Variants in CTC1 observed in about 807,000 individuals in gnomAD.
CTC1 encodes the protein CST telomere replication complex component 1, also known as CST complex subunit CTC1.
A neutral mutation model predicts 136.3 loss-of-function variants in CTC1; 91 were observed. The ratio of observed to expected loss-of-function variants is 0.67; its 90% CI spans 0.56 to 0.79. The LOEUF (loss-of-function observed/expected upper bound fraction) is 0.79, where lower values mean the gene tolerates loss of function less well. CTC1 is among the 30% of genes least tolerant of loss of function. CTC1 has a pLI of 0.00. For missense variants in CTC1, 1,432 were observed against 1,498.1 expected (o/e 0.96, Z 0.73); for synonymous variants, 606 against 613.8 (o/e 0.99, Z 0.19).
intron 2 of CTC1, among the ~76,000 whole-genome samples, chr17:8,241,438 T>C (rs1988208069): frequency 6.6e-6 from 1 of 151,420 alleles, no homozygotes; most frequent in Admixed American, 6.6e-5. Context: ...CGGCCAATGG[T>C]GAAACCCCAT....
rs1332017730 is a variant in CTC1 at position 8,238,447 on chromosome 17, T to C, written c.380A>G (p.Glu127Gly). The change falls in exon 3 of 23, where the codon GAG becomes GGG. Residue 127 changes from glutamate to glycine, a missense_variant. Physicochemically the swap from Glu to Gly is moderately conservative, Grantham distance 98 (BLOSUM62 -2). Coordinates refer to ENST00000651323, the MANE Select transcript of CTC1 (RefSeq NM_025099.6). ...LTDLSADLEQECRNGSLYVRD... is the reference protein window; with the variant it reads ...LTDLSADLEQGCRNGSLYVRD... Reference sequence around the variant, plus strand: ...CACATAGAGGCTTCCGTTCCTGCACTCTTGTTCCAAGTCTGCCGATAGGTC... The same window carrying C: ...CACATAGAGGCTTCCGTTCCTGCACCCTTGTTCCAAGTCTGCCGATAGGTC... 6.2e-7 allele frequency: 1 copy of C among 1,614,064 alleles called. No individual in the cohort carries two copies. The highest frequency in any genetic ancestry group is 8.5e-7 in the Non-Finnish European group (1 of 1,180,046).
chr17:8,237,296 C>T, intron 5 of CTC1, 79 bp downstream of exon 5: 1 of 1,528,724 alleles, frequency 6.5e-7, no homozygotes, highest in Non-Finnish European at 9.1e-7. Context: ...TACATGGCTC[C>T]TCCTATGATG....
rs1806410683 is a variant in CTC1, at chr17:8,229,406, C to T, written c.3052G>A (p.Gly1018Ser). Reference protein sequence around the residue: ...PHIYLAELLQGGQSPFQATAS... With the variant: ...PHIYLAELLQSGQSPFQATAS... Reference sequence around the variant, plus strand: ...GTGGCCTGGAATGGGGACTGACCACCCTGCAGAAGTTCAGCCAGGTAGATG... The same window carrying T: ...GTGGCCTGGAATGGGGACTGACCACTCTGCAGAAGTTCAGCCAGGTAGATG... Residue 1018 changes from glycine (G) to serine (S), a missense_variant, in exon 19 of 23, where the codon GGT becomes AGT. By Grantham distance (56) the Gly-to-Ser change is moderately conservative. Transcript: ENST00000651323. 1 of 1,613,948 alleles carries T rather than the reference C, an allele frequency of 6.2e-7. No individual in the cohort carries two copies. Among genetic ancestry groups the T allele is most frequent in the South Asian group, 1.1e-5 (1 of 91,078 alleles).
Position 8,232,124 on chromosome 17 carries a change from G to A in CTC1, c.2164C>T (p.Pro722Ser), listed in dbSNP as rs770505786. 10 of 1,531,300 alleles carry A rather than the reference G, an allele frequency of 6.5e-6. No homozygotes were observed. Among genetic ancestry groups the A allele is most frequent in the Admixed American group, 2.2e-5 (1 of 45,130 alleles). The allele number at this position is 1,531,300 out of a possible 1,614,324, so 94.9% of individuals were successfully genotyped here. ...CTCTGTCCTAGGTGGGGTCCCTCTG[G>A]GCCGGTGGGATCTGTCTGAGGTGTT... ...PSTPQTDPTGPEGPHLGQSRL... is the reference protein window; with the variant it reads ...PSTPQTDPTGSEGPHLGQSRL... The change falls in exon 13 of 23, where the codon CCA becomes TCA. Residue 722 changes from proline (P) to serine (S), a missense_variant. Physicochemically the swap from Pro to Ser is moderately conservative, Grantham distance 74. Coordinates refer to ENST00000651323, the MANE Select transcript of CTC1 (RefSeq NM_025099.6).
At chr17:8,233,969 ATACAAGTTT>A (rs1987465732) in intron 10 of CTC1, among the ~76,000 whole-genome samples, 1 of 152,136 alleles carries the variant, frequency 6.6e-6, no homozygotes, top group East Asian at 1.9e-4. Context: ...GAGTTCTGTA[ATACAAGTTT>A]CACTTTTTTT....
intron 1 of CTC1, among the ~76,000 whole-genome samples, chr17:8,245,624 C>T (rs987397076): frequency 2.6e-5 from 4 of 152,122 alleles, no homozygotes; most frequent in Non-Finnish European, 4.4e-5. Context: ...AAGGCAAATT[C>T]GTGTTTTCAT....
At position 8,231,289 on chromosome 17, in the gene CTC1, G is replaced by A; in HGVS notation, c.2656C>T (p.Leu886=). ...KSLPESSLTD[L]LSDNFTDSLV... The stretch of plus-strand genomic sequence containing the variant: ...GTGGACATTTACTTGTCACTGAGCA[G>A]GTCGGTCAGTGAGGATTCAGGCAAT... Residue 886 remains leucine (L), a synonymous_variant, in exon 15 of 23, where the codon CTG becomes TTG. Coordinates refer to ENST00000651323, the MANE Select transcript of CTC1 (RefSeq NM_025099.6). The A allele has an allele frequency of 1.3e-6, 2 of 1,576,134 alleles. No homozygotes were observed. Among genetic ancestry groups the A allele is most frequent in the South Asian group, 2.3e-5 (2 of 87,408 alleles).
In CTC1 at chr17:8,229,962, G is replaced by T. The variant is rs1459344150; in HGVS notation, c.2940C>A (p.His980Gln). ...ATGACCGGAAACAACAATAAACATTGTGAGATCTGCAAGTGGAAGAGGAAT... is the reference window on the plus strand; with the variant it reads ...ATGACCGGAAACAACAATAAACATTTTGAGATCTGCAAGTGGAAGAGGAAT... ...SQLEKRVSRS[H>Q]NVYCCFRSST... The change falls in exon 18 of 23, where the codon CAC becomes CAA. Residue 980 changes from histidine (H) to glutamine (Q), a missense_variant. Physicochemically the swap from His to Gln is conservative, Grantham distance 24 (BLOSUM62 0). Transcript: ENST00000651323. 6.2e-7 allele frequency: 1 copy of T among 1,614,078 alleles called. No individual in the cohort carries two copies. Among genetic ancestry groups the T allele is most frequent in the Non-Finnish European group, 8.5e-7 (1 of 1,179,986 alleles).
intron 7 of CTC1, 179 bp from the exon 8 acceptor site, chr17:8,235,464 T>C (rs1240958527): frequency 1.3e-5 from 8 of 609,252 alleles, no homozygotes; most frequent in Non-Finnish European, 1.7e-5. Flanking sequence ...AGCCTTCATC[T>C]CCCATGAGCT....
chr17:8,243,269 CA>C (rs1988427766), intron 1 of CTC1, 121 bp from the exon 2 acceptor site: 1 of 888,614 alleles, frequency 1.1e-6, no homozygotes, highest in Non-Finnish European at 1.7e-6. Context: ...CCTGTAATCC[CA>C]ACACTTTGGG....
intron 16 of CTC1, 31 bp from the exon 17 acceptor site, chr17:8,230,499 C>A: frequency 6.2e-7 from 1 of 1,613,656 alleles, no homozygotes; most frequent in Middle Eastern, 1.7e-4. Context: ...TTAGTAGGAT[C>A]TGTGAAGTCC....
intron 17 of CTC1, 152 bp downstream of exon 17, chr17:8,230,142 C>T (rs992811506): frequency 1.2e-5 from 12 of 969,596 alleles, no homozygotes; most frequent in African/African-American, 4.9e-5. Flanking sequence ...TGCAACACCT[C>T]GTGAGGGTAC....
chr17:8,235,514 A>C (rs897287559), intron 7 of CTC1: 1 of 597,566 alleles, frequency 1.7e-6, no homozygotes. Context: ...TCCTGGATGA[A>C]CAGACATGGC....
chr17:8,247,990 A>T lies in CTC1; in HGVS notation c.33+14T>A. The T allele has an allele frequency of 6.2e-7, 1 of 1,603,976 alleles. No homozygotes were observed. The highest frequency in any genetic ancestry group is 1.7e-5 in the Admixed American group (1 of 59,528). On this transcript the variant is annotated intron_variant, in intron 1 of 22. Coordinates refer to ENST00000651323, the MANE Select transcript of CTC1 (RefSeq NM_025099.6). ...CAAGAAAAAAGGAACAAGAGACGTA[A>T]TAGCAGCACTCACGGAGGAAGGGAC...
intron 22 of CTC1, 41 bp downstream of exon 22, chr17:8,228,462 T>C: frequency 6.2e-7 from 1 of 1,613,990 alleles, no homozygotes; most frequent in East Asian, 2.2e-5. Flanking sequence ...TCTATCACCA[T>C]GATCCCCCTA....
chr17:8,235,844 C>G lies in CTC1; in HGVS notation c.1193G>C (p.Gly398Ala), dbSNP rs752164995. The G allele has an allele frequency of 6.2e-6, 10 of 1,612,268 alleles. No homozygotes were observed. Among genetic ancestry groups the G allele is most frequent in the Non-Finnish European group, 8.5e-6 (10 of 1,178,690 alleles). The change falls in exon 7 of 23, where the codon GGA becomes GCA. Residue 398 changes from glycine to alanine, a missense_variant. Physicochemically the swap from Gly to Ala is moderately conservative, Grantham distance 60. Coordinates refer to ENST00000651323, the MANE Select transcript of CTC1 (RefSeq NM_025099.6). ...FRGLRRVMRP[G>A]VCLQLQDVHL... is the part of the protein sequence containing the mutation. ...GATCTCACATACCTGCAGACACACT[C>G]CAGGTCGCATCACCCGCCTAAGGCC...
intron 1 of CTC1, among the ~76,000 whole-genome samples, chr17:8,244,403 G>A (rs140059027): frequency 3.2e-3 from 481 of 152,294 alleles, no homozygotes; most frequent in African/African-American, 0.011. Context: ...GTGCTAGGCA[G>A]CTTTAACACA....
intron 15 of CTC1, chr17:8,230,997 G>T: frequency 2.0e-6 from 1 of 488,742 alleles, no homozygotes; most frequent in East Asian, 3.4e-5. Context: ...AAACTAGCTG[G>T]GTGTGGTGGC....
At chr17:8,234,318 C>T in intron 10 of CTC1, 137 bp downstream of exon 10, 4 of 848,560 alleles carry the variant, frequency 4.7e-6, no homozygotes, top group Non-Finnish European at 7.7e-6. Flanking sequence ...ATTGGAGGGC[C>T]AACAACAGAT....
Sources: gnomAD v4.1 joint callset for allele counts (sites outside exome capture counted in the v4.1 genomes callset) on GRCh38, gnomAD v4.1.1 for gene constraint, MANE v1.5 for transcripts, NCBI Gene and HGNC (gene_info 2026-07-23, HGNC 2026-07-21) for gene names.